The following ESYT2 variants were observed in gnomAD, a reference collection of about 807,000 sequenced individuals.
ESYT2 encodes extended synaptotagmin 2, also known as extended synaptotagmin-2.
A neutral mutation model predicts 107.2 loss-of-function variants in ESYT2; 54 were observed. The ratio of observed to expected loss-of-function variants is 0.50; its 90% CI spans 0.40 to 0.63. The LOEUF (loss-of-function observed/expected upper bound fraction) is 0.63. Among genes scored for constraint, ESYT2 ranks in the 30% least tolerant of loss-of-function variants. The pLI is 0.00. For missense variants in ESYT2, 1,020 were observed against 1,094.5 expected, an observed-to-expected ratio of 0.93 and a Z score of 0.96; for synonymous variants, 491 against 434.1, an observed-to-expected ratio of 1.13 and a Z score of -1.63.
At chr7:158,796,425 T>C (rs762657956) in intron 3 of ESYT2, among the ~76,000 whole-genome samples, 2 of 152,222 alleles carry the variant, frequency 1.3e-5, no homozygotes, top group Non-Finnish European at 1.5e-5. Context: ...GTACCTAACA[T>C]ACCAGCATTA....
At chr7:158,826,032 A>AAAC (rs386411834) in intron 1 of ESYT2, among the ~76,000 whole-genome samples, 1 of 150,876 alleles carries the variant, frequency 6.6e-6, no homozygotes, top group African/African-American at 2.4e-5. Context: ...AAAAAAAAAA[A>AAAC]AACAAAAACA....
chr7:158,763,387 T>C (rs548538107), intron 9 of ESYT2, among the ~76,000 whole-genome samples: 770 of 152,168 alleles, frequency 5.1e-3, no homozygotes, highest in Non-Finnish European at 8.6e-3. Context: ...CTCCGCCTCC[T>C]GGGTTCAAGC....
intron 20 of ESYT2, among the ~76,000 whole-genome samples, chr7:158,736,499 C>CT (rs1836955541): frequency 1.3e-5 from 2 of 151,954 alleles, no homozygotes; most frequent in South Asian, 4.1e-4. Context: ...TGAGACCCTC[C>CT]TAGGAGGTCA....
chr7:158,758,932 A>C (rs73729983), intron 13 of ESYT2, among the ~76,000 whole-genome samples: 16,464 of 152,226 alleles, frequency 0.11, 1,344 homozygotes, highest in East Asian at 0.43. Flanking sequence ...ATATGCTTCT[A>C]GGCACAGAGT....
chr7:158,759,594 GA>G lies in ESYT2; in HGVS notation c.1324-14del. On this transcript the variant is annotated splice_polypyrimidine_tract_variant and intron_variant, in intron 12 of 22. Transcript: ENST00000275418. ...TGTCTGTTAGCACCTAAAAGGAAAG[GA>G]AAAAGCCCTTAGCAGCCATGTTTCC... 1.9e-6 allele frequency: 3 copies of G among 1,597,568 alleles called. No homozygotes were observed. The highest frequency in any genetic ancestry group is 2.2e-5 in the East Asian group (1 of 44,530).
chr7:158,740,598 A>G (rs1181634419), intron 18 of ESYT2, among the ~76,000 whole-genome samples: 1 of 152,156 alleles, frequency 6.6e-6, no homozygotes, highest in Non-Finnish European at 1.5e-5. Flanking sequence ...CCCCAAAATG[A>G]CAACTGGTCT....
At chr7:158,782,310 G>A (rs528975747) in intron 6 of ESYT2, among the ~76,000 whole-genome samples, 88 of 150,728 alleles carry the variant, frequency 5.8e-4, no homozygotes, top group African/African-American at 2.1e-3. Flanking sequence ...GTGAACAAGT[G>A]TGAGTGAACG....
At chr7:158,735,455 CA>C (rs1483807240) in intron 21 of ESYT2, 47 bp downstream of exon 21, 7 of 1,537,006 alleles carry the variant, frequency 4.6e-6, no homozygotes, top group Non-Finnish European at 6.3e-6. Flanking sequence ...GGTAAATGTT[CA>C]ATTTTACAAA....
At chr7:158,738,346 C>CAG in intron 19 of ESYT2, among the ~76,000 whole-genome samples, 1 of 28,750 alleles carries the variant, frequency 3.5e-5, no homozygotes, top group African/African-American at 8.6e-5. Flanking sequence ...CACACACAGA[C>CAG]ACACACACAC....
chr7:158,756,636 T>C (rs1227094156), intron 13 of ESYT2, among the ~76,000 whole-genome samples: 1 of 152,064 alleles, frequency 6.6e-6, no homozygotes, highest in Admixed American at 6.6e-5. Context: ...AGGCCGGGCA[T>C]GGTGGCTCAC....
At position 158,761,651 on chromosome 7, in the gene ESYT2, T is replaced by C. The variant is rs191091375; in HGVS notation, c.1185-107A>G. On this transcript the variant is annotated intron_variant, in intron 10 of 22. Coordinates refer to ENST00000275418, the MANE Select transcript of ESYT2 (RefSeq NM_001367773.1). Reference sequence around the variant, plus strand: ...TTCTTCCTGAAACAACCTTAAGCATTTGTCTATGAACAAGCACTCCAGAAA... The same window carrying C: ...TTCTTCCTGAAACAACCTTAAGCATCTGTCTATGAACAAGCACTCCAGAAA... 350 of 1,014,046 alleles carry C rather than the reference T, an allele frequency of 3.5e-4. No individual in the cohort carries two copies. The highest frequency in any genetic ancestry group is 3.5e-4 in the Non-Finnish European group (230 of 664,452). The allele number at this position is 1,014,046 out of a possible 1,614,324, so 62.8% of individuals were successfully genotyped here. A position where few individuals can be genotyped will look rare whatever the true frequency, so the allele number is the denominator to read the frequency against.
At chr7:158,738,344 G>A (rs7802851) in intron 19 of ESYT2, among the ~76,000 whole-genome samples, 10,069 of 131,126 alleles carry the variant, frequency 0.077, 635 homozygotes, top group African/African-American at 0.098. Flanking sequence ...CACACACACA[G>A]ACACACACAC....
At chr7:158,784,416 G>A (rs1839037842) in intron 6 of ESYT2, among the ~76,000 whole-genome samples, 1 of 152,192 alleles carries the variant, frequency 6.6e-6, no homozygotes, top group Non-Finnish European at 1.5e-5. Context: ...AGCTGGAATG[G>A]CTCACAAGCC....
intron 13 of ESYT2, among the ~76,000 whole-genome samples, chr7:158,759,283 A>C (rs1174242067): frequency 6.6e-6 from 1 of 152,240 alleles, no homozygotes; most frequent in Non-Finnish European, 1.5e-5. Context: ...AAATCCAGCT[A>C]AATGTGTAAA....
At chr7:158,818,936 G>C (rs748191334) in intron 1 of ESYT2, among the ~76,000 whole-genome samples, 3 of 152,216 alleles carry the variant, frequency 2.0e-5, no homozygotes, top group Admixed American at 6.5e-5. Context: ...CCACTCGCAC[G>C]GGCCCTGGCC....
chr7:158,789,471 C>G (rs1430338371), intron 4 of ESYT2, among the ~76,000 whole-genome samples: 2 of 151,992 alleles, frequency 1.3e-5, no homozygotes, highest in Non-Finnish European at 2.9e-5. Flanking sequence ...ATTCTCCTGC[C>G]TCAGCCTTCC....
chr7:158,807,921 C>T lies in ESYT2; in HGVS notation c.331-8849G>A, dbSNP rs114233809. Among the ~76,000 whole-genome samples the T allele has an allele frequency of 4.6e-3, 705 of 152,294 alleles. 2 individuals carry two copies. Among genetic ancestry groups the T allele is most frequent in the African/African-American group, 0.016 (645 of 41,564 alleles). Reference sequence around the variant, plus strand: ...AGGCTATGAGCTGAGGCTTGCTGCCCGCTGAGAGGGATGCGCAAACCCGCA... The same window carrying T: ...AGGCTATGAGCTGAGGCTTGCTGCCTGCTGAGAGGGATGCGCAAACCCGCA... On this transcript the variant is annotated intron_variant, in intron 1 of 22. Coordinates refer to ENST00000275418, the MANE Select transcript of ESYT2 (RefSeq NM_001367773.1).
intron 4 of ESYT2, among the ~76,000 whole-genome samples, chr7:158,790,986 G>T (rs1268452044): frequency 6.6e-6 from 1 of 152,080 alleles, no homozygotes; most frequent in Non-Finnish European, 1.5e-5. Flanking sequence ...TCATTTTTAA[G>T]TGTACAACTC....
chr7:158,792,767 T>G (rs1304472863), intron 4 of ESYT2, among the ~76,000 whole-genome samples: 1 of 105,962 alleles, frequency 9.4e-6, no homozygotes, highest in Admixed American at 8.2e-5. Flanking sequence ...ACGTGGGGTT[T>G]TTTTTTTTTT....
Sources: gnomAD v4.1 joint callset for allele counts (sites outside exome capture counted in the v4.1 genomes callset) on GRCh38, gnomAD v4.1.1 for gene constraint, MANE v1.5 for transcripts, NCBI Gene and HGNC (gene_info 2026-07-23, HGNC 2026-07-21) for gene names.